Variants in QRICH1 observed in about 807,000 individuals in gnomAD.
QRICH1 encodes transcriptional regulator QRICH1.
In QRICH1, 16 loss-of-function variants were observed where a neutral mutation model predicts 87.1. The ratio of observed to expected loss-of-function variants is 0.18; its 90% CI spans 0.12 to 0.28. The LOEUF (loss-of-function observed/expected upper bound fraction) is 0.28, where lower values mean the gene tolerates loss of function less well. Among genes scored for constraint, QRICH1 ranks in the 10% least tolerant of loss-of-function variants. QRICH1 has a pLI of 1.00. For synonymous variants in QRICH1, 367 were observed against 368.4 expected (o/e 1.00, Z 0.05); for missense variants, 647 against 951.7 (o/e 0.68, Z 4.21).
Position 49,057,125 on chromosome 3 carries a change from C to T in QRICH1, c.1075G>A (p.Glu359Lys), listed in dbSNP as rs2093407189. ...LAAVKLEDDKEKMVGTTSVVK... is the reference protein window; with the variant it reads ...LAAVKLEDDKKKMVGTTSVVK... ...ACAGATGTGGTGCCCACCATCTTCTCCTTGTCATCCTCCAGCTTAACAGCT... is the reference window on the plus strand; with the variant it reads ...ACAGATGTGGTGCCCACCATCTTCTTCTTGTCATCCTCCAGCTTAACAGCT... The change falls in exon 3 of 10, where the codon GAG (glutamate) becomes AAG (lysine). Residue 359 changes from glutamate to lysine, a missense_variant. Physicochemically the swap from Glu to Lys is moderately conservative, Grantham distance 56 (BLOSUM62 1). Coordinates refer to ENST00000395443, the MANE Select transcript of QRICH1 (RefSeq NM_198880.3). The surrounding 1 kb of genome is among the most constrained non-coding windows in gnomAD (Gnocchi z 5.4). 5.0e-6 allele frequency: 8 copies of T among 1,614,202 alleles called. No individual in the cohort carries two copies. Among genetic ancestry groups the T allele is most frequent in the Non-Finnish European group, 5.9e-6 (7 of 1,180,042 alleles).
chr3:49,060,714 GTGAGCAT>G (rs1302586423), intron 2 of QRICH1, among the ~76,000 whole-genome samples: 2 of 152,224 alleles, frequency 1.3e-5, no homozygotes, highest in East Asian at 1.9e-4. Context: ...CAGCACAGAG[GTGAGCAT>G]TACCACCTGA....
intron 3 of QRICH1, among the ~76,000 whole-genome samples, chr3:49,051,811 C>A (rs1393279661): frequency 1.3e-5 from 2 of 152,114 alleles, no homozygotes; most frequent in African/African-American, 4.8e-5. Context: ...GCATGGGAGG[C>A]AGTGCTTCTG....
At chr3:49,070,306 G>A (rs893803787) in intron 2 of QRICH1, among the ~76,000 whole-genome samples, 2 of 152,122 alleles carry the variant, frequency 1.3e-5, no homozygotes, top group African/African-American at 4.8e-5. Flanking sequence ...CCAAGGTGCT[G>A]GGATTACAAG....
chr3:49,058,128 G>A, intron 2 of QRICH1: 4 of 656,716 alleles, frequency 6.1e-6, no homozygotes, highest in South Asian at 2.3e-5. Context: ...AATTAACTGG[G>A]GCCTAAAAAG....
chr3:49,086,455 C>T (rs1189275354), intron 1 of QRICH1, among the ~76,000 whole-genome samples: 2 of 151,804 alleles, frequency 1.3e-5, no homozygotes, highest in African/African-American at 2.4e-5. Context: ...GACGGGGTTT[C>T]GCCGTGTTAG....
chr3:49,049,770 T>C (rs1010729952), intron 3 of QRICH1, among the ~76,000 whole-genome samples: 7 of 151,488 alleles, frequency 4.6e-5, no homozygotes, highest in African/African-American at 1.7e-4. Context: ...AGTGCTGGGA[T>C]TACAGGCGTG....
chr3:49,039,290 G>A (rs1421725249), intron 6 of QRICH1, among the ~76,000 whole-genome samples: 1 of 152,180 alleles, frequency 6.6e-6, no homozygotes, highest in Non-Finnish European at 1.5e-5. Context: ...CTGGCAGACA[G>A]AGGTTGCAGT....
intron 3 of QRICH1, among the ~76,000 whole-genome samples, chr3:49,054,381 T>C (rs140494620): frequency 2.0e-5 from 3 of 152,282 alleles, no homozygotes; most frequent in African/African-American, 7.2e-5. Context: ...ACACATCTAC[T>C]TGATTCCTCC....
At chr3:49,085,758 C>T (rs985618041) in intron 1 of QRICH1, among the ~76,000 whole-genome samples, 9 of 78,338 alleles carry the variant, frequency 1.1e-4, no homozygotes, top group Non-Finnish European at 2.6e-5. Context: ...AACTCCATCT[C>T]AAAAAAAAAA....
chr3:49,065,192 G>C (rs1366411264), intron 2 of QRICH1, among the ~76,000 whole-genome samples: 1 of 150,370 alleles, frequency 6.7e-6, no homozygotes, highest in African/African-American at 2.5e-5. Context: ...CTGGAGTACA[G>C]TGAGGCAATC....
At chr3:49,032,566 A>G in intron 8 of QRICH1, 56 bp downstream of exon 8, 2 of 1,490,986 alleles carry the variant, frequency 1.3e-6, no homozygotes, top group Non-Finnish European at 9.0e-7. Context: ...GCACAAGGGC[A>G]GGACAGGGCA....
At chr3:49,037,071 C>CT (rs1366451947) in intron 6 of QRICH1, among the ~76,000 whole-genome samples, 1 of 49,530 alleles carries the variant, frequency 2.0e-5, no homozygotes, top group South Asian at 1.4e-3. Flanking sequence ...ACCCCCGTCT[C>CT]TTAAAAAAAA....
Position 49,076,814 on chromosome 3 carries a change from T to C in QRICH1, c.204A>G (p.Glu68=). ...CAAGTTCAAGCAAAGACCCAGCCACTTCAGTGCTGTCTGTGTATATGCAGT... is the reference window on the plus strand; with the variant it reads ...CAAGTTCAAGCAAAGACCCAGCCACCTCAGTGCTGTCTGTGTATATGCAGT... ...GGNCIYTDST[E]VAGSLLELAC... Residue 68 remains glutamate, a synonymous_variant, in exon 2 of 10, where the codon GAA becomes GAG. Transcript: ENST00000395443. The C allele has an allele frequency of 6.2e-7, 1 of 1,613,732 alleles. No homozygotes were observed. The highest frequency in any genetic ancestry group is 2.2e-5 in the East Asian group (1 of 44,862).
At chr3:49,079,062 A>G (rs2042007695) in intron 1 of QRICH1, among the ~76,000 whole-genome samples, 1 of 152,006 alleles carries the variant, frequency 6.6e-6, no homozygotes, top group Admixed American at 6.6e-5. Context: ...GAGAAACCCC[A>G]TCTCTACAAA....
chr3:49,068,900 G>A lies in QRICH1; in HGVS notation c.309+7809C>T, dbSNP rs1363700599. On this transcript the variant is annotated intron_variant, in intron 2 of 9. Coordinates refer to ENST00000395443, the MANE Select transcript of QRICH1 (RefSeq NM_198880.3). The stretch of plus-strand genomic sequence containing the variant: ...CTCACCTTGGCCTCCCAAAATGCTG[G>A]GATTACAGGCATGAGCAACCACACC... Among the ~76,000 whole-genome samples the A allele has an allele frequency of 2.6e-5, 4 of 151,510 alleles. No homozygotes were observed. In the South Asian group the frequency reaches 6.2e-4, roughly 24 times the overall value.
Position 49,030,602 on chromosome 3 carries a change from T to C in QRICH1, c.2181A>G (p.Thr727=). The part of the protein sequence containing the change: ...VKGRNDTFYL[T]PEPVVAPNSP... ...TGTTGGGGGCCACCACTGGCTCAGG[T>C]GTCAGGTAAAAGGTGTCATTCCGGC... The change falls in exon 10 of 10, where the codon ACA becomes ACG. Residue 727 remains threonine (T), a synonymous_variant. Transcript: ENST00000395443. 1.2e-6 allele frequency: 2 copies of C among 1,609,138 alleles called. No individual in the cohort carries two copies. The highest frequency in any genetic ancestry group is 1.7e-6 in the Non-Finnish European group (2 of 1,177,292).
intron 2 of QRICH1, among the ~76,000 whole-genome samples, chr3:49,065,838 G>A (rs1478728915): frequency 6.6e-6 from 1 of 151,972 alleles, no homozygotes; most frequent in African/African-American, 2.4e-5. Context: ...CCGCCACCAC[G>A]CCCGCTAATT....
At chr3:49,080,555 G>A (rs2042038561) in intron 1 of QRICH1, among the ~76,000 whole-genome samples, 1 of 151,912 alleles carries the variant, frequency 6.6e-6, no homozygotes, top group African/African-American at 2.4e-5. Context: ...TTACAGAACT[G>A]AAAAACCTTC....
intron 1 of QRICH1, chr3:49,086,891 T>C (rs1251730019): frequency 2.0e-5 from 3 of 152,224 alleles, no homozygotes; most frequent in Admixed American, 6.6e-5. Context: ...ACCTCTTCCT[T>C]GGGCTTTGAG....
Sources: allele counts gnomAD v4.1 joint callset (sites outside exome capture counted in the v4.1 genomes callset), GRCh38; gene constraint gnomAD v4.1.1; non-coding constraint Gnocchi (gnomAD v3.1); transcripts MANE v1.5; gene names NCBI Gene and HGNC (gene_info 2026-07-23, HGNC 2026-07-21).